The following DPP10 variants were observed in gnomAD, a reference collection of about 807,000 sequenced individuals.
DPP10 encodes the protein inactive dipeptidyl peptidase 10.
In DPP10, 33 loss-of-function variants were observed where a neutral mutation model predicts 120.9. The ratio of observed to expected loss-of-function variants is 0.27; its 90% CI spans 0.21 to 0.37. The LOEUF (loss-of-function observed/expected upper bound fraction) is 0.37. Ranked by LOEUF, DPP10 falls within the 10% of genes least tolerant of loss-of-function variation. The probability of loss-of-function intolerance (pLI) is 1.00; values close to 1 mark genes in which losing one functional copy is unlikely to be tolerated. For missense variants in DPP10, 816 were observed against 942.8 expected, an observed-to-expected ratio of 0.87 and a Z score of 1.76; for synonymous variants, 337 against 326.1, an observed-to-expected ratio of 1.03 and a Z score of -0.36.
intron 3 of DPP10, among the ~76,000 whole-genome samples, chr2:115,381,838 G>T (rs1024125840): frequency 2.7e-4 from 41 of 151,880 alleles, no homozygotes; most frequent in Non-Finnish European, 4.9e-4. Context: ...TGCCCCTGCT[G>T]GGGGGTGCCT....
chr2:115,490,078 A>G (rs1467736027), intron 3 of DPP10, among the ~76,000 whole-genome samples: 2 of 152,140 alleles, frequency 1.3e-5, no homozygotes, highest in Non-Finnish European at 2.9e-5. Flanking sequence ...CCACTTCAAG[A>G]TATCCCACAT....
intron 1 of DPP10, among the ~76,000 whole-genome samples, chr2:114,851,594 G>T (rs1410191377): frequency 2.6e-5 from 4 of 152,084 alleles, no homozygotes; most frequent in Non-Finnish European, 5.9e-5. Context: ...CAGTTTATTG[G>T]CATAGAAACA....
intron 17 of DPP10, among the ~76,000 whole-genome samples, chr2:115,783,171 T>C (rs1005018376): frequency 1.3e-5 from 2 of 151,196 alleles, no homozygotes; most frequent in African/African-American, 4.9e-5. Flanking sequence ...CTCATATTTA[T>C]TGACTCACTT....
At chr2:115,709,194 G>A (rs1477315991) in intron 7 of DPP10, among the ~76,000 whole-genome samples, 1 of 152,078 alleles carries the variant, frequency 6.6e-6, no homozygotes, top group African/African-American at 2.4e-5. Flanking sequence ...TGTAGTGGAG[G>A]CAGAGTGTGG....
At chr2:115,618,646 A>T (rs2084705790) in intron 5 of DPP10, among the ~76,000 whole-genome samples, 2 of 152,140 alleles carry the variant, frequency 1.3e-5, no homozygotes, top group African/African-American at 2.4e-5. Context: ...TTATCTACAC[A>T]TACAAATCCG....
intron 3 of DPP10, among the ~76,000 whole-genome samples, chr2:115,365,058 T>C (rs1360912472): frequency 6.6e-6 from 1 of 152,134 alleles, no homozygotes; most frequent in African/African-American, 2.4e-5. Flanking sequence ...AAGTTACATG[T>C]ATATATAAAG....
chr2:114,644,115 T>G (rs1286379211), intron 1 of DPP10, among the ~76,000 whole-genome samples: 2 of 147,874 alleles, frequency 1.4e-5, no homozygotes, highest in Non-Finnish European at 3.0e-5. Flanking sequence ...TTTTTTTTTT[T>G]GTATTTTTAG....
chr2:115,191,584 T>G (rs960789863), intron 1 of DPP10, among the ~76,000 whole-genome samples: 4 of 152,182 alleles, frequency 2.6e-5, no homozygotes, highest in Admixed American at 1.3e-4. Flanking sequence ...AGAGTTACAT[T>G]TTTCTTAGCT....
intron 1 of DPP10, among the ~76,000 whole-genome samples, chr2:115,283,716 T>G (rs948226697): frequency 2.6e-5 from 4 of 152,102 alleles, no homozygotes; most frequent in African/African-American, 9.7e-5. Context: ...TCCCTGAGTA[T>G]GTATGTAGTC....
chr2:115,670,734 AT>A (rs2089809917), intron 5 of DPP10, among the ~76,000 whole-genome samples: 1 of 152,254 alleles, frequency 6.6e-6, no homozygotes, highest in African/African-American at 2.4e-5. Flanking sequence ...AATATATTCT[AT>A]CATGTAATCC....
chr2:114,579,456 G>A (rs1179080885), intron 1 of DPP10, among the ~76,000 whole-genome samples: 2 of 152,124 alleles, frequency 1.3e-5, no homozygotes, highest in South Asian at 2.1e-4. Flanking sequence ...CTCTTCTCCT[G>A]TATAAAATAA....
At chr2:114,590,345 A>G (rs1009202150) in intron 1 of DPP10, among the ~76,000 whole-genome samples, 1 of 152,164 alleles carries the variant, frequency 6.6e-6, no homozygotes, top group African/African-American at 2.4e-5. Flanking sequence ...AAGTAAGATG[A>G]AAGGGAAGCA....
intron 2 of DPP10, among the ~76,000 whole-genome samples, chr2:115,319,392 A>T (rs182119183): frequency 1.9e-3 from 296 of 152,270 alleles, no homozygotes; most frequent in African/African-American, 6.9e-3. Flanking sequence ...TCATATCAAA[A>T]TAATTTTTAA....
intron 17 of DPP10, among the ~76,000 whole-genome samples, chr2:115,788,985 G>A (rs1344484352): frequency 6.6e-6 from 1 of 152,034 alleles, no homozygotes; most frequent in East Asian, 1.9e-4. Context: ...GGGTGTGGTG[G>A]CGGGCGCCTG....
At chr2:115,343,016 G>C (rs1264842988) in intron 2 of DPP10, among the ~76,000 whole-genome samples, 1 of 152,144 alleles carries the variant, frequency 6.6e-6, no homozygotes, top group Non-Finnish European at 1.5e-5. Flanking sequence ...GAAGGTCATA[G>C]CTGAAAGGTC....
chr2:115,140,651 A>G (rs1424033977), intron 1 of DPP10, among the ~76,000 whole-genome samples: 1 of 152,208 alleles, frequency 6.6e-6, no homozygotes, highest in Non-Finnish European at 1.5e-5. Flanking sequence ...CATTGCTAAC[A>G]ACAGTAGTGA....
chr2:115,793,000 C>G (rs982224644), intron 19 of DPP10, among the ~76,000 whole-genome samples: 2 of 152,154 alleles, frequency 1.3e-5, no homozygotes, highest in African/African-American at 4.8e-5. Flanking sequence ...AGGGGGAAAA[C>G]CGAATAAGAG....
intron 5 of DPP10, among the ~76,000 whole-genome samples, chr2:115,569,579 A>G (rs1037858728): frequency 3.3e-5 from 5 of 152,350 alleles, no homozygotes; most frequent in African/African-American, 9.6e-5. Flanking sequence ...TACGCAATCA[A>G]GGGATATTTT....
At chr2:115,219,411 A>T (rs2057017100) in intron 1 of DPP10, among the ~76,000 whole-genome samples, 1 of 152,042 alleles carries the variant, frequency 6.6e-6, no homozygotes, top group South Asian at 2.1e-4. Flanking sequence ...TAATCATCCT[A>T]CTTCTGTTCC....
Sources: allele counts gnomAD v4.1 joint callset (sites outside exome capture counted in the v4.1 genomes callset), GRCh38; gene constraint gnomAD v4.1.1; transcripts MANE v1.5; gene names NCBI Gene and HGNC (gene_info 2026-07-23, HGNC 2026-07-21).